Variants in PDGFRA observed in about 807,000 individuals in gnomAD.
The protein encoded by PDGFRA is platelet derived growth factor receptor alpha.
PDGFRA carries 25 observed loss-of-function variants against 121.5 expected under a neutral mutation model. That is an observed-to-expected ratio of 0.21 (90% CI 0.15 to 0.29). The LOEUF (loss-of-function observed/expected upper bound fraction) is 0.29, where lower values mean the gene tolerates loss of function less well. PDGFRA is among the 10% of genes least tolerant of loss of function. The probability of loss-of-function intolerance (pLI) is 1.00; values close to 1 mark genes in which losing one functional copy is unlikely to be tolerated. For synonymous variants in PDGFRA, 463 were observed against 494.8 expected (o/e 0.94, Z 0.85); for missense variants, 1,008 against 1,345.1 (o/e 0.75, Z 3.92).
intron 22 of PDGFRA, among the ~76,000 whole-genome samples, chr4:54,291,447 T>G (rs757698234): frequency 5.4e-4 from 82 of 152,070 alleles, no homozygotes; most frequent in Non-Finnish European, 8.7e-4. Flanking sequence ...ATTATCATAC[T>G]CCATTAAAAA....
rs752270672 is a variant in PDGFRA at position 54,263,801 on chromosome 4, G to A, written c.502G>A (p.Val168Ile). 6.2e-7 allele frequency: 1 copy of A among 1,614,062 alleles called. No individual in the cohort carries two copies. Among genetic ancestry groups the A allele is most frequent in the East Asian group, 2.2e-5 (1 of 44,872 alleles). The stretch of plus-strand genomic sequence containing the variant: ...AACCTTACACAACAGTGAGGGGGTG[G>A]TACCTGCCTCCTACGACAGCAGACA... ...PVTLHNSEGV[V>I]PASYDSRQGF... The change falls in exon 4 of 23, where the codon GTA (valine) becomes ATA (isoleucine). Residue 168 changes from valine to isoleucine, a missense_variant. Val to Ile is a conservative substitution (Grantham distance 29, BLOSUM62 3). Around this residue, in one of 5 missense-constraint regions of PDGFRA, gnomAD observed 575 missense variants for 701.8 expected, o/e 0.82. Coordinates refer to ENST00000257290, the MANE Select transcript of PDGFRA (RefSeq NM_006206.6).
chr4:54,274,213 C>T (rs1301003585), intron 10 of PDGFRA, among the ~76,000 whole-genome samples: 2 of 152,162 alleles, frequency 1.3e-5, no homozygotes, highest in Non-Finnish European at 2.9e-5. Flanking sequence ...GGTGTCTGCC[C>T]ATATAGTAGC....
chr4:54,273,542 A>T lies in PDGFRA; in HGVS notation c.1370A>T (p.Asn457Ile). ...TAGGCCCTTTTTCTCTCTAGATGTA[A>T]TAATGAAACTTCCTGGACTATTTTG... ...WMICKDIKKC[N>I]NETSWTILAN... The change falls in exon 10 of 23, where the codon AAT (asparagine) becomes ATT (isoleucine). Residue 457 changes from asparagine (N) to isoleucine (I), a missense_variant. Physicochemically the swap from Asn to Ile is moderately radical, Grantham distance 149. Transcript: ENST00000257290. 6.2e-7 allele frequency: 1 copy of T among 1,613,894 alleles called. No homozygotes were observed. The highest frequency in any genetic ancestry group is 8.5e-7 in the Non-Finnish European group (1 of 1,179,840).
At chr4:54,294,610 C>T (rs1184327906) in intron 22 of PDGFRA, among the ~76,000 whole-genome samples, 1 of 151,942 alleles carries the variant, frequency 6.6e-6, no homozygotes, top group African/African-American at 2.4e-5. Context: ...CGTAAGGAGC[C>T]GTCACCTGGG....
At chr4:54,280,819 C>CT (rs1439495036) in intron 16 of PDGFRA, 18 of 172,860 alleles carry the variant, frequency 1.0e-4, no homozygotes, top group Admixed American at 6.3e-4. Flanking sequence ...CTGTCTTTTT[C>CT]TTTTTTAATG....
intron 5 of PDGFRA, among the ~76,000 whole-genome samples, chr4:54,266,682 T>A (rs1278067747): frequency 1.3e-5 from 2 of 152,208 alleles, no homozygotes; most frequent in African/African-American, 4.8e-5. Context: ...TGTCATTAAC[T>A]GTCCTTTTAA....
chr4:54,242,703 A>C (rs1022416503), intron 1 of PDGFRA, among the ~76,000 whole-genome samples: 1 of 151,916 alleles, frequency 6.6e-6, no homozygotes, highest in Non-Finnish European at 1.5e-5. Flanking sequence ...TTATTTCTCC[A>C]TTCTGTCTTT....
chr4:54,268,235 T>C (rs1723149425), intron 7 of PDGFRA, among the ~76,000 whole-genome samples: 1 of 152,206 alleles, frequency 6.6e-6, no homozygotes, highest in African/African-American at 2.4e-5. Context: ...AGGAGAGAGA[T>C]GTGCAGTGAG....
rs1004300344 is a variant in PDGFRA at position 54,235,511 on chromosome 4, G to T, written c.-13+6096G>T. 3.3e-5 allele frequency among the ~76,000 whole-genome samples: 5 copies of T among 152,388 alleles called. No individual in the cohort carries two copies. The South Asian group carries it at 1.0e-3, about 32-fold the overall frequency. On this transcript the variant is annotated intron_variant, in intron 1 of 22. Transcript: ENST00000257290. ...GGGCAGGAGATGGCACCCTGTTAAA[G>T]AGAAAGGATAGTAGCTGCAAAGTCA...
At chr4:54,255,054 G>T (rs796761459) in intron 1 of PDGFRA, among the ~76,000 whole-genome samples, 5 of 152,204 alleles carry the variant, frequency 3.3e-5, no homozygotes, top group African/African-American at 1.2e-4. Context: ...AAGTGGAGAG[G>T]GCACAGCTTT....
chr4:54,255,631 G>C (rs1481101532), intron 1 of PDGFRA, among the ~76,000 whole-genome samples: 1 of 151,232 alleles, frequency 6.6e-6, no homozygotes, highest in African/African-American at 2.4e-5. Context: ...TCAGCCTCCT[G>C]AGTAGCGGGG....
intron 1 of PDGFRA, among the ~76,000 whole-genome samples, chr4:54,250,405 T>C (rs1359802329): frequency 6.6e-6 from 1 of 152,230 alleles, no homozygotes; most frequent in Non-Finnish European, 1.5e-5. Context: ...AAGTGACATA[T>C]TTGGCTTATT....
chr4:54,286,171 T>C (rs975792062), intron 18 of PDGFRA, among the ~76,000 whole-genome samples: 16 of 152,160 alleles, frequency 1.1e-4, no homozygotes, highest in African/African-American at 3.9e-4. Flanking sequence ...GATACTTGAC[T>C]GTTCTGCCCC....
At chr4:54,273,507 G>A (rs1723518992) in intron 9 of PDGFRA, 30 bp from the exon 10 acceptor site, 2 of 1,578,074 alleles carry the variant, frequency 1.3e-6, no homozygotes, top group Admixed American at 3.3e-5. Flanking sequence ...TCAGGAATTG[G>A]CCCTATACTT....
chr4:54,242,563 A>G (rs540017651), intron 1 of PDGFRA, among the ~76,000 whole-genome samples: 16 of 152,192 alleles, frequency 1.1e-4, no homozygotes, highest in East Asian at 9.7e-4. Context: ...ACACACACAT[A>G]TATATGTATG....
chr4:54,277,874 A>C lies in PDGFRA; in HGVS notation c.1892-22A>C. The C allele has an allele frequency of 2.7e-6, 4 of 1,502,044 alleles. No individual in the cohort carries two copies. In the East Asian group the frequency reaches 9.0e-5, roughly 34 times the overall value. The allele number at this position is 1,502,044 out of a possible 1,614,324, so 93.0% of individuals were successfully genotyped here. A position where few individuals can be genotyped will look rare whatever the true frequency, so the allele number is the denominator to read the frequency against. Reference sequence around the variant, plus strand: ...AAGTTGGTAGCTCAGCTGGACTGATATGTGATTTATTCTTTCAACAGCCAC... The same window carrying C: ...AAGTTGGTAGCTCAGCTGGACTGATCTGTGATTTATTCTTTCAACAGCCAC... On this transcript the variant is annotated intron_variant, in intron 13 of 22. Coordinates refer to ENST00000257290, the MANE Select transcript of PDGFRA (RefSeq NM_006206.6).
Position 54,288,803 on chromosome 4 carries a change from C to T in PDGFRA, c.2679C>T (p.Gly893=), listed in dbSNP as rs148970242. The change falls in exon 20 of 23, where the codon GGC becomes GGT. Residue 893 remains glycine, a synonymous_variant. Coordinates refer to ENST00000257290, the MANE Select transcript of PDGFRA (RefSeq NM_006206.6). The part of the protein sequence containing the change: ...ILLWEIFSLG[G]TPYPGMMVDS... ...GTTTTATTGTTTGGCTTTTAGGTGG[C>T]ACCCCTTACCCCGGCATGATGGTGG... The T allele has an allele frequency of 1.2e-5, 19 of 1,603,414 alleles. No individual in the cohort carries two copies. The highest frequency in any genetic ancestry group is 9.9e-5 in the South Asian group (9 of 90,880).
chr4:54,293,942 T>TGTGTGTG (rs56396915), intron 22 of PDGFRA, among the ~76,000 whole-genome samples: 1 of 151,386 alleles, frequency 6.6e-6, no homozygotes, highest in African/African-American at 2.4e-5. Flanking sequence ...TGTGTGTGTG[T>TGTGTGTG]TTTCCTCTTC....
rs71200381 is a variant in PDGFRA at position 54,293,907 on chromosome 4, TTGTG to T, written c.3123-1186_3123-1183del. ...GCCCCTAGTTCAAGGTCCAAGTTGCTTGTGTGTGTGTGTGTGTGTGTGTGTGTGT... is the reference window on the plus strand; with the variant it reads ...GCCCCTAGTTCAAGGTCCAAGTTGCTTGTGTGTGTGTGTGTGTGTGTGTGT... On this transcript the variant is annotated intron_variant, in intron 22 of 22. Transcript: ENST00000257290. 4.9e-3 allele frequency among the ~76,000 whole-genome samples: 699 copies of T among 142,550 alleles called. 3 individuals are homozygous for T. Among genetic ancestry groups the T allele is most frequent in the Non-Finnish European group, 7.1e-3 (464 of 65,518 alleles). 93.5% of individuals were successfully genotyped at this position (142,550 alleles called of 152,430 possible). A position where few individuals can be genotyped will look rare whatever the true frequency, so the allele number is the denominator to read the frequency against.
Sources: allele counts gnomAD v4.1 joint callset (sites outside exome capture counted in the v4.1 genomes callset), GRCh38; gene constraint gnomAD v4.1.1; regional missense constraint gnomAD v4.1.1; transcripts MANE v1.5; gene names NCBI Gene and HGNC (gene_info 2026-07-23, HGNC 2026-07-21).